FRMD4A: variants seen among roughly 807,000 people sequenced by gnomAD.
The protein encoded by FRMD4A is FERM domain-containing protein 4A.
A neutral mutation model predicts 129.1 loss-of-function variants in FRMD4A; 29 were observed. That is an observed-to-expected ratio of 0.22 (90% confidence interval 0.17 to 0.31). FRMD4A has a LOEUF of 0.31. Ranked by LOEUF, FRMD4A falls within the 10% of genes least tolerant of loss-of-function variation. The pLI, the probability that FRMD4A is intolerant of heterozygous loss-of-function variation, is 1.00. For missense variants in FRMD4A, 1,272 were observed against 1,375.8 expected, an observed-to-expected ratio of 0.92 and a Z score of 1.19; for synonymous variants, 634 against 571.6, an observed-to-expected ratio of 1.11 and a Z score of -1.56.
At chr10:14,117,599 C>T (rs1199008088) in intron 2 of FRMD4A, among the ~76,000 whole-genome samples, 1 of 152,178 alleles carries the variant, frequency 6.6e-6, no homozygotes, top group Non-Finnish European at 1.5e-5. Flanking sequence ...CAAATGGCAG[C>T]ATTGCTAGGT....
intron 2 of FRMD4A, among the ~76,000 whole-genome samples, chr10:14,081,355 TG>T (rs1175907513): frequency 2.0e-5 from 3 of 152,246 alleles, no homozygotes; most frequent in African/African-American, 7.2e-5. Context: ...CTGCAACCAC[TG>T]GGGGTCTTGC....
intron 2 of FRMD4A, among the ~76,000 whole-genome samples, chr10:14,085,253 T>G (rs1836196475): frequency 6.6e-6 from 1 of 152,194 alleles, no homozygotes. Context: ...TGACTCCTGT[T>G]TACTTAACTG....
At chr10:14,249,610 G>A (rs574080942) in intron 2 of FRMD4A, among the ~76,000 whole-genome samples, 4 of 152,228 alleles carry the variant, frequency 2.6e-5, no homozygotes, top group Admixed American at 6.5e-5. Flanking sequence ...TTCTTCTACC[G>A]ACCCAGAAAT....
At chr10:13,695,650 T>C (rs1048915948) in intron 14 of FRMD4A, among the ~76,000 whole-genome samples, 3 of 152,244 alleles carry the variant, frequency 2.0e-5, no homozygotes, top group Non-Finnish European at 4.4e-5. Context: ...TCATCTGTCC[T>C]TTCTGTGGCC....
At chr10:13,811,745 C>T (rs761759734) in intron 3 of FRMD4A, among the ~76,000 whole-genome samples, 24 of 152,132 alleles carry the variant, frequency 1.6e-4, no homozygotes, top group African/African-American at 3.1e-4. Flanking sequence ...CTGTCTGATG[C>T]GGAAACAGGG....
At chr10:13,697,081 G>C (rs1024721670) in intron 14 of FRMD4A, among the ~76,000 whole-genome samples, 1 of 151,230 alleles carries the variant, frequency 6.6e-6, no homozygotes, top group African/African-American at 2.4e-5. Flanking sequence ...AAAAATATGA[G>C]ATCAAAAGGC....
chr10:14,091,654 C>T (rs1332328569), intron 2 of FRMD4A, among the ~76,000 whole-genome samples: 2 of 152,160 alleles, frequency 1.3e-5, no homozygotes, highest in African/African-American at 2.4e-5. Context: ...AGGATGGTCT[C>T]GATCTCTTGA....
At chr10:14,290,909 A>T (rs1442616706) in intron 2 of FRMD4A, among the ~76,000 whole-genome samples, 6 of 152,146 alleles carry the variant, frequency 3.9e-5, no homozygotes, top group Non-Finnish European at 8.8e-5. Context: ...GGAACTCAAT[A>T]AAAGGTGTCT....
intron 2 of FRMD4A, among the ~76,000 whole-genome samples, chr10:13,962,381 A>G (rs998307357): frequency 2.0e-5 from 3 of 152,268 alleles, no homozygotes; most frequent in African/African-American, 7.2e-5. Context: ...ATTTGGAAAT[A>G]TACTCTGAAC....
intron 2 of FRMD4A, among the ~76,000 whole-genome samples, chr10:14,285,019 G>C (rs182201362): frequency 8.5e-4 from 129 of 152,294 alleles, no homozygotes; most frequent in Non-Finnish European, 1.6e-3. Context: ...AAAGTATACA[G>C]CCTTTGCTTA....
intron 2 of FRMD4A, among the ~76,000 whole-genome samples, chr10:13,881,889 G>A (rs999049404): frequency 3.3e-5 from 5 of 151,360 alleles, no homozygotes; most frequent in African/African-American, 1.2e-4. Context: ...GAGTAGGTGC[G>A]TCCCAGGCAG....
intron 16 of FRMD4A, among the ~76,000 whole-genome samples, chr10:13,674,451 G>A (rs570862502): frequency 3.9e-5 from 6 of 152,098 alleles, no homozygotes; most frequent in Non-Finnish European, 8.8e-5. Flanking sequence ...AACTTTAACT[G>A]GTCATCACAG....
chr10:13,729,675 G>C (rs915996408), intron 12 of FRMD4A, among the ~76,000 whole-genome samples: 2 of 152,184 alleles, frequency 1.3e-5, no homozygotes, highest in Non-Finnish European at 2.9e-5. Context: ...TAGGGACAGG[G>C]GGGCAGGCCG....
At chr10:13,926,043 G>A (rs558741149) in intron 2 of FRMD4A, among the ~76,000 whole-genome samples, 8 of 152,108 alleles carry the variant, frequency 5.3e-5, no homozygotes, top group African/African-American at 9.7e-5. Context: ...TCTGTTCATC[G>A]TGTGTGGTTC....
intron 2 of FRMD4A, among the ~76,000 whole-genome samples, chr10:13,898,002 T>G (rs1054575026): frequency 1.3e-5 from 2 of 150,534 alleles, no homozygotes; most frequent in African/African-American, 4.9e-5. Flanking sequence ...GGAGTTCAGT[T>G]AAGAGGGTTG....
chr10:14,252,165 C>T (rs761952781), intron 2 of FRMD4A, among the ~76,000 whole-genome samples: 13 of 152,106 alleles, frequency 8.5e-5, no homozygotes, highest in Non-Finnish European at 1.6e-4. Flanking sequence ...TCTCTTTCTC[C>T]TTTCCTCTCC....
intron 2 of FRMD4A, among the ~76,000 whole-genome samples, chr10:14,216,332 T>A (rs1843074445): frequency 6.6e-6 from 1 of 152,108 alleles, no homozygotes; most frequent in African/African-American, 2.4e-5. Flanking sequence ...TTAACAGGAA[T>A]CACGTTTGCA....
At chr10:13,827,256 C>G (rs554716557) in intron 3 of FRMD4A, among the ~76,000 whole-genome samples, 2 of 152,264 alleles carry the variant, frequency 1.3e-5, no homozygotes, top group South Asian at 4.1e-4. Flanking sequence ...GGCATCATGG[C>G]TTCAACACAG....
chr10:13,659,525 G>C (rs200095341), intron 20 of FRMD4A, 35 bp from the exon 21 acceptor site: 124 of 1,595,310 alleles, frequency 7.8e-5, no homozygotes, highest in Middle Eastern at 1.9e-4. Context: ...GTCACCGCCA[G>C]ACAGACAGCA....
Sources: gnomAD v4.1 joint callset for allele counts (sites outside exome capture counted in the v4.1 genomes callset) on GRCh38, gnomAD v4.1.1 for gene constraint, MANE v1.5 for transcripts, NCBI Gene and HGNC (gene_info 2026-07-23, HGNC 2026-07-21) for gene names.